NTRK3: variants seen among roughly 807,000 people sequenced by gnomAD.
NTRK3 encodes neurotrophic receptor tyrosine kinase 3.
A neutral mutation model predicts 91.7 loss-of-function variants in NTRK3; 24 were observed. The observed-to-expected ratio is 0.26, with a 90% confidence interval of 0.19 to 0.37. The LOEUF (loss-of-function observed/expected upper bound fraction) is 0.37. Ranked by LOEUF, NTRK3 falls within the 10% of genes least tolerant of loss-of-function variation. The pLI, the probability that NTRK3 is intolerant of heterozygous loss-of-function variation, is 1.00. For missense variants in NTRK3, 880 were observed against 1,068.9 expected, an observed-to-expected ratio of 0.82 and a Z score of 2.46; for synonymous variants, 483 against 404.0, an observed-to-expected ratio of 1.20 and a Z score of -2.34.
At chr15:88,058,859 T>G (rs570006927) in intron 13 of NTRK3, among the ~76,000 whole-genome samples, 1 of 152,272 alleles carries the variant, frequency 6.6e-6, no homozygotes, top group East Asian at 1.9e-4. Flanking sequence ...ATGGAGGCAG[T>G]AAAGGGAGGA....
At chr15:88,052,807 G>A (rs1404711266) in intron 13 of NTRK3, among the ~76,000 whole-genome samples, 4 of 152,120 alleles carry the variant, frequency 2.6e-5, no homozygotes, top group Non-Finnish European at 4.4e-5. Flanking sequence ...GTGCAGCAAC[G>A]GAAGCACTCA....
chr15:87,981,171 T>C (rs888771630), intron 14 of NTRK3: 7 of 1,551,546 alleles, frequency 4.5e-6, no homozygotes, highest in African/African-American at 1.4e-5. Flanking sequence ...AGAACCAAAA[T>C]TGGTTAGGGG....
intron 14 of NTRK3, among the ~76,000 whole-genome samples, chr15:87,955,107 TA>T (rs2071527013): frequency 6.6e-6 from 1 of 152,230 alleles, no homozygotes; most frequent in South Asian, 2.1e-4. Context: ...TATTCATCTG[TA>T]AATCCCTTAG....
At chr15:88,057,085 C>G (rs1244455120) in intron 13 of NTRK3, among the ~76,000 whole-genome samples, 1 of 148,594 alleles carries the variant, frequency 6.7e-6, no homozygotes, top group Non-Finnish European at 1.5e-5. Context: ...AGGAGAATGG[C>G]GTGAACCCGG....
intron 17 of NTRK3, among the ~76,000 whole-genome samples, chr15:87,906,842 C>A (rs1330670337): frequency 1.3e-5 from 2 of 152,056 alleles, no homozygotes; most frequent in African/African-American, 2.4e-5. Context: ...TCTTAAGAAC[C>A]TATCACTCTT....
chr15:88,153,605 A>G (rs2043605743), intron 5 of NTRK3, among the ~76,000 whole-genome samples: 1 of 152,134 alleles, frequency 6.6e-6, no homozygotes, highest in African/African-American at 2.4e-5. Flanking sequence ...GCTGTAATCC[A>G]TTCATGGTGC....
chr15:87,961,392 G>T (rs1048358713), intron 14 of NTRK3, among the ~76,000 whole-genome samples: 3 of 152,200 alleles, frequency 2.0e-5, no homozygotes, highest in Middle Eastern at 3.2e-3. Flanking sequence ...TAGCTATGTG[G>T]GTAGATTTCC....
intron 13 of NTRK3, among the ~76,000 whole-genome samples, chr15:88,045,400 T>C (rs914889764): frequency 2.0e-5 from 3 of 152,192 alleles, no homozygotes; most frequent in Non-Finnish European, 4.4e-5. Context: ...ATTCTCTAGA[T>C]CATAAATCCC....
chr15:88,022,819 ATAATTAGACC>A (rs752739276), intron 14 of NTRK3, among the ~76,000 whole-genome samples: 18 of 152,192 alleles, frequency 1.2e-4, no homozygotes, highest in Non-Finnish European at 2.2e-4. Flanking sequence ...TACAGTGAGC[ATAATTAGACC>A]TAATTACTTA....
chr15:87,979,202 A>T, intron 14 of NTRK3: 1 of 742,662 alleles, frequency 1.3e-6, no homozygotes, highest in Non-Finnish European at 2.4e-6. Context: ...TGGTGGTGTT[A>T]AAGGGTGCCG....
intron 14 of NTRK3, among the ~76,000 whole-genome samples, chr15:88,029,053 C>A (rs138835878): frequency 6.6e-6 from 1 of 152,216 alleles, no homozygotes; most frequent in African/African-American, 2.4e-5. Flanking sequence ...CTCATTCTAT[C>A]GGACCTGGCC....
At chr15:87,894,250 C>G (rs2065991657) in intron 17 of NTRK3, among the ~76,000 whole-genome samples, 1 of 152,216 alleles carries the variant, frequency 6.6e-6, no homozygotes, top group African/African-American at 2.4e-5. Flanking sequence ...CTAGCAGTCA[C>G]CTTGAACATG....
At chr15:88,170,015 A>G (rs559037535) in intron 5 of NTRK3, among the ~76,000 whole-genome samples, 36 of 152,268 alleles carry the variant, frequency 2.4e-4, no homozygotes, top group African/African-American at 7.9e-4. Context: ...CCCCTAGACT[A>G]TCCCACTGAA....
chr15:88,126,179 A>G, intron 13 of NTRK3, 92 bp downstream of exon 13: 1 of 963,072 alleles, frequency 1.0e-6, no homozygotes, highest in Non-Finnish European at 1.6e-6. Flanking sequence ...AGGCCCTCTC[A>G]GAGAGCAATG....
rs545680737 is a variant in NTRK3 at position 88,153,542 on chromosome 15, A to G, written c.396-6139T>C. ...AGTGCTGGGATTACAGGTGTAAGCC[A>G]CTGTGCCCAGCCTCTTTTTTTTCAC... On this transcript the variant is annotated intron_variant, in intron 5 of 18. Transcript: ENST00000394480. Among the ~76,000 whole-genome samples the G allele has an allele frequency of 7.9e-5, 12 of 152,304 alleles. No homozygotes were observed. In the East Asian group the frequency reaches 2.3e-3, roughly 29 times the overall value.
At chr15:88,224,891 G>A (rs202042460) in intron 3 of NTRK3, among the ~76,000 whole-genome samples, 1 of 152,234 alleles carries the variant, frequency 6.6e-6, no homozygotes, top group East Asian at 1.9e-4. Context: ...ACTGGAGCTG[G>A]AGAATCAAAC....
intron 13 of NTRK3, among the ~76,000 whole-genome samples, chr15:88,119,908 C>T (rs779414067): frequency 4.6e-5 from 7 of 152,198 alleles, no homozygotes; most frequent in African/African-American, 7.2e-5. Context: ...CCCTTTCAGT[C>T]ACCTCGGATA....
intron 14 of NTRK3, among the ~76,000 whole-genome samples, chr15:87,965,420 C>G (rs1488633071): frequency 1.3e-5 from 2 of 152,196 alleles, no homozygotes; most frequent in Admixed American, 6.5e-5. Context: ...CCCTCTCTTT[C>G]CTTTATGATG....
chr15:88,245,672 A>G (rs2052750376), intron 3 of NTRK3, among the ~76,000 whole-genome samples: 1 of 152,098 alleles, frequency 6.6e-6, no homozygotes, highest in Non-Finnish European at 1.5e-5. Context: ...GGGGTGTAGT[A>G]ATAGGAAGAC....
Sources: gnomAD v4.1 joint callset for allele counts (sites outside exome capture counted in the v4.1 genomes callset) on GRCh38, gnomAD v4.1.1 for gene constraint, MANE v1.5 for transcripts, NCBI Gene and HGNC (gene_info 2026-07-23, HGNC 2026-07-21) for gene names.